PRELID2: variants seen among roughly 807,000 people sequenced by gnomAD.
PRELID2 encodes the protein PRELI domain containing 2.
In PRELID2, 25 loss-of-function variants were observed where a neutral mutation model predicts 28.4. The observed-to-expected ratio is 0.88, with a 90% confidence interval of 0.64 to 1.23. PRELID2 has a LOEUF of 1.23. Ranked by LOEUF, PRELID2 falls within the 50% of genes most tolerant of loss-of-function variation. The pLI is 0.00. For missense variants in PRELID2, 201 were observed against 214.4 expected, an observed-to-expected ratio of 0.94 and a Z score of 0.39; for synonymous variants, 76 against 71.6, an observed-to-expected ratio of 1.06 and a Z score of -0.31.
At chr5:145,663,562 G>A (rs1041090358) in intron 1 of PRELID2, among the ~76,000 whole-genome samples, 1 of 152,120 alleles carries the variant, frequency 6.6e-6, no homozygotes, top group African/African-American at 2.4e-5. Context: ...AGTGAATTTG[G>A]TAGTGAAACA....
At chr5:145,771,404 G>A (rs1037632179) in intron 5 of PRELID2, among the ~76,000 whole-genome samples, 1 of 152,008 alleles carries the variant, frequency 6.6e-6, no homozygotes, top group South Asian at 2.1e-4. Flanking sequence ...CTAAGTGACT[G>A]TATAATGGAA....
intron 1 of PRELID2, among the ~76,000 whole-genome samples, chr5:145,675,543 T>C (rs1754797290): frequency 6.6e-6 from 1 of 152,040 alleles, no homozygotes; most frequent in Admixed American, 6.6e-5. Context: ...ATGGCAAAAA[T>C]AGAAAAAGAT....
At chr5:145,331,878 A>C in the PRELID2 span, among the ~76,000 whole-genome samples, 1 of 152,104 alleles carries the variant, frequency 6.6e-6, no homozygotes, top group African/African-American at 2.4e-5. Context: ...TGGTCTTTAC[A>C]ATTTGGCATG....
At chr5:145,806,072 G>T (rs1173288071) in intron 4 of PRELID2, among the ~76,000 whole-genome samples, 1 of 152,132 alleles carries the variant, frequency 6.6e-6, no homozygotes, top group Admixed American at 6.5e-5. Flanking sequence ...GTACACTGCT[G>T]TAGACTTTAT....
At chr5:145,800,516 G>GTT (rs1250763494) in intron 4 of PRELID2, among the ~76,000 whole-genome samples, 1 of 152,118 alleles carries the variant, frequency 6.6e-6, no homozygotes, top group Non-Finnish European at 1.5e-5. Context: ...ATTGAGAAAT[G>GTT]AAAAGTTGAG....
At chr5:145,517,206 C>T (rs1752524701) in intron 1 of PRELID2, among the ~76,000 whole-genome samples, 1 of 151,852 alleles carries the variant, frequency 6.6e-6, no homozygotes, top group African/African-American at 2.4e-5. Context: ...AGGCAACCTA[C>T]AGAATAGGAG....
chr5:145,332,061 T>C, the PRELID2 span, among the ~76,000 whole-genome samples: 1 of 152,204 alleles, frequency 6.6e-6, no homozygotes, highest in Non-Finnish European at 1.5e-5. Context: ...AATTCTTGGT[T>C]GAAAATTCTT....
the PRELID2 span, among the ~76,000 whole-genome samples, chr5:145,419,882 T>C: frequency 6.6e-6 from 1 of 152,114 alleles, no homozygotes; most frequent in African/African-American, 2.4e-5. Flanking sequence ...TTTAACTCTT[T>C]AATCCATCTT....
intron 1 of PRELID2, among the ~76,000 whole-genome samples, chr5:145,828,941 G>A (rs1048366005): frequency 6.2e-5 from 9 of 146,324 alleles, no homozygotes; most frequent in East Asian, 4.1e-4. Flanking sequence ...CGGCTCAAGC[G>A]ATCCTCCTAA....
intron 6 of PRELID2, among the ~76,000 whole-genome samples, chr5:145,762,853 G>A (rs968282017): frequency 6.6e-6 from 1 of 152,164 alleles, no homozygotes; most frequent in Non-Finnish European, 1.5e-5. Flanking sequence ...CTAACTCCTA[G>A]CTATTAGCTT....
At chr5:145,326,525 A>AT in the PRELID2 span, among the ~76,000 whole-genome samples, 4 of 152,192 alleles carry the variant, frequency 2.6e-5, no homozygotes, top group Non-Finnish European at 4.4e-5. Context: ...TTTGTCTCGT[A>AT]TATGTTTATA....
the PRELID2 span, among the ~76,000 whole-genome samples, chr5:145,403,514 C>T: frequency 1.3e-5 from 2 of 152,188 alleles, no homozygotes; most frequent in Admixed American, 1.3e-4. Context: ...CTGGCCCTAT[C>T]CCTTCTAAGC....
At chr5:145,361,395 T>A in the PRELID2 span, among the ~76,000 whole-genome samples, 1 of 152,188 alleles carries the variant, frequency 6.6e-6, no homozygotes, top group African/African-American at 2.4e-5. Flanking sequence ...ATTTTCATGA[T>A]GCTCCCCGAA....
chr5:145,306,439 TG>T, the PRELID2 span, among the ~76,000 whole-genome samples: 1 of 152,128 alleles, frequency 6.6e-6, no homozygotes, highest in African/African-American at 2.4e-5. Context: ...TTAATTACAA[TG>T]GCATTAATTC....
the PRELID2 span, among the ~76,000 whole-genome samples, chr5:145,354,652 A>G: frequency 2.0e-5 from 3 of 152,092 alleles, no homozygotes; most frequent in Non-Finnish European, 4.4e-5. Context: ...TAAAACCCCA[A>G]CAATAATAAA....
At chr5:145,762,627 A>G (rs1326477238) in intron 6 of PRELID2, among the ~76,000 whole-genome samples, 1 of 152,164 alleles carries the variant, frequency 6.6e-6, no homozygotes, top group Non-Finnish European at 1.5e-5. Flanking sequence ...ATTCACTACC[A>G]ACAATTTAAA....
Position 145,616,546 on chromosome 5 carries a change from C to A in PRELID2, n.71-143231G>T, listed in dbSNP as rs181852618. On this transcript the variant is annotated intron_variant and non_coding_transcript_variant, in intron 1 of 2. Coordinates refer to the PRELID2 transcript ENST00000510259. Reference sequence around the variant, plus strand: ...AAAGCTGGGTGTCCAGGGGAGACATCACATGTTGGCAGGTTCTGTGATGCC... The same window carrying A: ...AAAGCTGGGTGTCCAGGGGAGACATAACATGTTGGCAGGTTCTGTGATGCC... Among the ~76,000 whole-genome samples the A allele has an allele frequency of 6.6e-5, 10 of 152,198 alleles. No individual in the cohort carries two copies. In the East Asian group the frequency reaches 1.9e-3, roughly 29 times the overall value.
intron 1 of PRELID2, among the ~76,000 whole-genome samples, chr5:145,489,687 T>C (rs1268702820): frequency 6.6e-6 from 1 of 152,168 alleles, no homozygotes; most frequent in Non-Finnish European, 1.5e-5. Flanking sequence ...GTACCTTCAG[T>C]GTTGGTATGC....
the PRELID2 span, among the ~76,000 whole-genome samples, chr5:145,424,126 T>C: frequency 0.67 from 98,390 of 147,302 alleles, 33,398 homozygotes; most frequent in Admixed American, 0.72. Flanking sequence ...GGGAGAACCA[T>C]TGCTCTCTTC....
Sources: gnomAD v4.1 joint callset for allele counts (sites outside exome capture counted in the v4.1 genomes callset) on GRCh38, gnomAD v4.1.1 for gene constraint, MANE v1.5 for transcripts, NCBI Gene and HGNC (gene_info 2026-07-23, HGNC 2026-07-21) for gene names.